Variants in COG5 observed in about 807,000 individuals in gnomAD.
COG5 encodes component of oligomeric golgi complex 5, also known as conserved oligomeric Golgi complex subunit 5.
In COG5, 86 loss-of-function variants were observed where a neutral mutation model predicts 110.4. The ratio of observed to expected loss-of-function variants is 0.78; its 90% CI spans 0.65 to 0.93. The LOEUF (loss-of-function observed/expected upper bound fraction) is 0.93. Among genes scored for constraint, COG5 ranks in the 40% least tolerant of loss-of-function variants. The pLI, the probability that COG5 is intolerant of heterozygous loss-of-function variation, is 0.00. For synonymous variants in COG5, 360 were observed against 334.6 expected (o/e 1.08, Z -0.83); for missense variants, 1,077 against 987.0 (o/e 1.09, Z -1.22).
intron 6 of COG5, among the ~76,000 whole-genome samples, chr7:107,444,040 G>A (rs1221368817): frequency 1.3e-5 from 2 of 152,156 alleles, no homozygotes; most frequent in Admixed American, 1.3e-4. Context: ...TGGACTGACA[G>A]TTGAAAGACA....
intron 6 of COG5, among the ~76,000 whole-genome samples, chr7:107,447,093 G>A (rs746933588): frequency 2.0e-4 from 31 of 152,152 alleles, no homozygotes; most frequent in Admixed American, 1.6e-3. Flanking sequence ...GTTCCTTGTA[G>A]TTGCAGCACT....
chr7:107,479,493 G>C (rs1351714653), intron 6 of COG5, among the ~76,000 whole-genome samples: 2 of 152,164 alleles, frequency 1.3e-5, no homozygotes, highest in East Asian at 3.9e-4. Flanking sequence ...GATGGCACTA[G>C]CTTGACAAGG....
intron 11 of COG5, among the ~76,000 whole-genome samples, chr7:107,319,770 CTGAG>C (rs973346520): frequency 1.3e-5 from 2 of 152,040 alleles, no homozygotes; most frequent in African/African-American, 4.8e-5. Flanking sequence ...TGCTGAGTGA[CTGAG>C]TGATAAGAAA....
At chr7:107,476,806 A>G (rs1328553323) in intron 6 of COG5, among the ~76,000 whole-genome samples, 1 of 151,728 alleles carries the variant, frequency 6.6e-6, no homozygotes, top group Admixed American at 6.6e-5. Context: ...AAAATATTAA[A>G]TGTCTAAAAA....
At chr7:107,424,669 C>T (rs1163853984) in intron 6 of COG5, among the ~76,000 whole-genome samples, 1 of 152,138 alleles carries the variant, frequency 6.6e-6, no homozygotes, top group Non-Finnish European at 1.5e-5. Context: ...TGCCTATATG[C>T]TTAGCACTGT....
chr7:107,258,496 G>A, intron 14 of COG5, 113 bp from the exon 15 acceptor site: 2 of 745,520 alleles, frequency 2.7e-6, no homozygotes, highest in Admixed American at 3.7e-5. Flanking sequence ...TAACCGGGGA[G>A]AAGTTCATGC....
At chr7:107,285,514 T>C (rs1235332625) in intron 12 of COG5, among the ~76,000 whole-genome samples, 1 of 152,148 alleles carries the variant, frequency 6.6e-6, no homozygotes, top group Non-Finnish European at 1.5e-5. Flanking sequence ...TTTTTTGGCT[T>C]TACTAGGGGG....
At chr7:107,208,273 A>G in intron 21 of COG5, 2 of 985,432 alleles carry the variant, frequency 2.0e-6, no homozygotes, top group Non-Finnish European at 2.4e-6. Flanking sequence ...AAAGCATGAC[A>G]GTATTTCTGA....
intron 7 of COG5, among the ~76,000 whole-genome samples, chr7:107,405,748 T>G (rs1791787965): frequency 6.6e-6 from 1 of 152,012 alleles, no homozygotes; most frequent in Non-Finnish European, 1.5e-5. Context: ...AAATCCTAAC[T>G]GCCAAGGTGA....
At chr7:107,359,244 T>A (rs1264148753) in intron 10 of COG5, among the ~76,000 whole-genome samples, 1 of 152,198 alleles carries the variant, frequency 6.6e-6, no homozygotes, top group Non-Finnish European at 1.5e-5. Flanking sequence ...GCACCTACTT[T>A]GATTTCACAG....
intron 6 of COG5, among the ~76,000 whole-genome samples, chr7:107,483,750 G>T (rs1436355244): frequency 2.0e-5 from 3 of 151,650 alleles, no homozygotes; most frequent in South Asian, 2.1e-4. Context: ...CAATAATTCA[G>T]GTGACTGAAT....
intron 12 of COG5, among the ~76,000 whole-genome samples, chr7:107,291,127 T>G (rs1806135101): frequency 6.6e-6 from 1 of 152,238 alleles, no homozygotes; most frequent in Non-Finnish European, 1.5e-5. Flanking sequence ...TTTCATTCAC[T>G]ATTTCTTCAA....
intron 7 of COG5, among the ~76,000 whole-genome samples, chr7:107,376,981 T>G (rs1584747733): frequency 1.3e-5 from 2 of 152,178 alleles, no homozygotes; most frequent in Non-Finnish European, 2.9e-5. Context: ...ACTAACACTT[T>G]GCTTATTATT....
Position 107,203,605 on chromosome 7 carries a change from A to T in COG5, c.2401T>A (p.Ser801Thr), listed in dbSNP as rs141942249. 1 of 1,613,960 alleles carries T rather than the reference A, an allele frequency of 6.2e-7. No individual in the cohort carries two copies. The highest frequency in any genetic ancestry group is 1.1e-5 in the South Asian group (1 of 91,088). The change falls in exon 22 of 22, where the codon TCA becomes ACA. Residue 801 changes from serine (S) to threonine (T), a missense_variant. Physicochemically the swap from Ser to Thr is moderately conservative, Grantham distance 58. Transcript: ENST00000297135. ...IRGALEAYVQ[S>T]VRSREGKEFA... is the part of the protein sequence containing the mutation. ...TCTTTGCCTTCTCTACTTCTCACTGATTGAACATAAGCTTCCAGGGCTCCC... is the reference window on the plus strand; with the variant it reads ...TCTTTGCCTTCTCTACTTCTCACTGTTTGAACATAAGCTTCCAGGGCTCCC...
chr7:107,249,729 T>C (rs1802348422), intron 16 of COG5, among the ~76,000 whole-genome samples: 1 of 150,060 alleles, frequency 6.7e-6, no homozygotes, highest in African/African-American at 2.5e-5. Context: ...TGTGTGTGTG[T>C]GTGTGTGTGT....
chr7:107,306,879 A>G, intron 11 of COG5, among the ~76,000 whole-genome samples: 1 of 152,128 alleles, frequency 6.6e-6, no homozygotes, highest in Non-Finnish European at 1.5e-5. Flanking sequence ...CACACGTCCA[A>G]GACCTATTTC....
chr7:107,402,309 T>C (rs1370106567), intron 7 of COG5, among the ~76,000 whole-genome samples: 1 of 152,194 alleles, frequency 6.6e-6, no homozygotes, highest in East Asian at 1.9e-4. Flanking sequence ...GTCGAGATTA[T>C]AGCCAGGTAC....
chr7:107,381,380 G>A (rs913471832), intron 7 of COG5, among the ~76,000 whole-genome samples: 2 of 152,032 alleles, frequency 1.3e-5, no homozygotes, highest in Non-Finnish European at 2.9e-5. Context: ...GTCTTCTTTA[G>A]GTTATATTTT....
At chr7:107,221,524 G>A (rs944149394) in intron 19 of COG5, among the ~76,000 whole-genome samples, 5 of 151,984 alleles carry the variant, frequency 3.3e-5, no homozygotes, top group Admixed American at 6.6e-5. Context: ...CAGCACTTTG[G>A]GAGGCCGAGG....
Sources: gnomAD v4.1 joint callset for allele counts (sites outside exome capture counted in the v4.1 genomes callset) on GRCh38, gnomAD v4.1.1 for gene constraint, MANE v1.5 for transcripts, NCBI Gene and HGNC (gene_info 2026-07-23, HGNC 2026-07-21) for gene names.